The following PIP4K2C variants were observed in gnomAD, a reference collection of about 807,000 sequenced individuals.
PIP4K2C encodes the protein phosphatidylinositol-5-phosphate 4-kinase type 2 gamma, also known as phosphatidylinositol 5-phosphate 4-kinase type-2 gamma.
PIP4K2C carries 21 observed loss-of-function variants against 45.0 expected under a neutral mutation model. The observed-to-expected ratio is 0.47, with a 90% CI of 0.33 to 0.67. The LOEUF is 0.67. Among genes scored for constraint, PIP4K2C ranks in the 30% least tolerant of loss-of-function variants. The pLI, the probability that PIP4K2C is intolerant of heterozygous loss-of-function variation, is 0.02. For synonymous variants in PIP4K2C, 201 were observed against 204.8 expected (o/e 0.98, Z 0.16); for missense variants, 456 against 542.8 (o/e 0.84, Z 1.59).
In PIP4K2C at chr12:57,591,211, A is replaced by C. The variant is rs1025659492; in HGVS notation, c.-79A>C. 59 of 1,395,988 alleles carry C rather than the reference A, an allele frequency of 4.2e-5. No individual in the cohort carries two copies. Among genetic ancestry groups the C allele is most frequent in the Non-Finnish European group, 4.8e-5 (49 of 1,025,148 alleles). The allele number at this position is 1,395,988 out of a possible 1,614,324, so 86.5% of individuals were successfully genotyped here. On this transcript the variant is annotated 5_prime_UTR_variant, in exon 1 of 10. Transcript: ENST00000354947. ...GCCTCCGGTCACGTGACAGCAGCGC[A>C]GGTGAGCGCCGCTTCCGGGGTCGGG...
chr12:57,597,352 C>T (rs1289073189), intron 4 of PIP4K2C, among the ~76,000 whole-genome samples: 1 of 152,122 alleles, frequency 6.6e-6, no homozygotes, highest in African/African-American at 2.4e-5. Context: ...AGTTAAGACA[C>T]AGGGGCCTCC....
At chr12:57,599,023 C>T in intron 4 of PIP4K2C, 42 bp from the exon 5 acceptor site, 2 of 1,600,466 alleles carry the variant, frequency 1.2e-6, no homozygotes, top group South Asian at 2.2e-5. Flanking sequence ...TGTGTATCTG[C>T]TACTCAGCCT....
Position 57,599,147 on chromosome 12 carries a change from A to G in PIP4K2C, c.596A>G (p.Tyr199Cys). The G allele has an allele frequency of 6.2e-7, 1 of 1,614,216 alleles. No individual in the cohort carries two copies. Among genetic ancestry groups the G allele is most frequent in the Non-Finnish European group, 8.5e-7 (1 of 1,180,030 alleles). ...GTCAGTGTGGACAACGAAGACAGCT[A>G]CATGCTTGTGATGCGCAATATGTTT... ...YRVSVDNEDS[Y>C]MLVMRNMFSH... Residue 199 changes from tyrosine to cysteine, a missense_variant, in exon 5 of 10, where the codon TAC becomes TGC. This residue lies in a region of PIP4K2C where 421 missense variants were observed against 473.1 expected (regional missense o/e 0.89). Transcript: ENST00000354947.
In PIP4K2C at chr12:57,600,933, C is replaced by T; in HGVS notation, c.936C>T (p.Asp312=). ...VREDESEVDG[D]CSLTGPPALV... The stretch of plus-strand genomic sequence containing the variant: ...AGGATGAGTCAGAGGTGGATGGGGA[C>T]TGCAGCCTGACTGGACCTCCTGCTC... Residue 312 remains aspartate (D), a synonymous_variant, in exon 8 of 10, where the codon GAC becomes GAT. Transcript: ENST00000354947. 1 of 1,614,208 alleles carries T rather than the reference C, an allele frequency of 6.2e-7. No individual in the cohort carries two copies. The highest frequency in any genetic ancestry group is 8.5e-7 in the Non-Finnish European group (1 of 1,180,046).
Position 57,600,411 on chromosome 12 carries a change from C to G in PIP4K2C, c.787C>G (p.Leu263Val). The change falls in exon 7 of 10, where the codon CTG becomes GTG. Residue 263 changes from leucine (L) to valine (V), a missense_variant. Leu to Val is a conservative substitution (Grantham distance 32, BLOSUM62 1). Transcript: ENST00000354947. ...YIGEEEKKIF[L>V]EKLKRDVEFL... ...TGGTGAAGAGGAGAAGAAAATATTT[C>G]TGGAGAAGCTGAAGAGAGATGTGGA... The G allele has an allele frequency of 6.2e-7, 1 of 1,607,250 alleles. No individual in the cohort carries two copies. Among genetic ancestry groups the G allele is most frequent in the East Asian group, 2.2e-5 (1 of 44,834 alleles).
At chr12:57,601,177 AACTG>A in intron 8 of PIP4K2C, 64 bp from the exon 9 acceptor site, 1 of 1,589,726 alleles carries the variant, frequency 6.3e-7, no homozygotes, top group Non-Finnish European at 8.6e-7. Context: ...TTCAGAACAA[AACTG>A]ACTGCTTCCT....
rs752628265 is a variant in PIP4K2C, at chr12:57,600,897, G to A, written c.900G>A (p.Ala300=). ...GGGGCTCTGAACCAGAGGAGGAAGC[G>A]CCCGTGCGGGAGGATGAGTCAGAGG... The part of the protein sequence containing the change: ...IIRGSEPEEE[A]PVREDESEVD... Residue 300 remains alanine, a synonymous_variant, in exon 8 of 10, where the codon GCG becomes GCA. Coordinates refer to ENST00000354947, the MANE Select transcript of PIP4K2C (RefSeq NM_024779.5). 16 of 1,614,110 alleles carry A rather than the reference G, an allele frequency of 9.9e-6. No homozygotes were observed. Among genetic ancestry groups the A allele is most frequent in the Middle Eastern group, 3.3e-4 (2 of 6,084 alleles).
chr12:57,591,324 C>G lies in PIP4K2C; in HGVS notation c.35C>G (p.Ser12Trp). ...ASSSVPPATVSAATAGPGPGF... is the reference protein window; with the variant it reads ...ASSSVPPATVWAATAGPGPGF... The stretch of plus-strand genomic sequence containing the variant: ...TCCTCGGTCCCACCAGCCACGGTAT[C>G]GGCGGCGACAGCAGGCCCCGGCCCA... The change falls in exon 1 of 10, where the codon TCG becomes TGG. Residue 12 changes from serine to tryptophan, a missense_variant. This residue lies in a region of PIP4K2C where 421 missense variants were observed against 473.1 expected (regional missense o/e 0.89). Transcript: ENST00000354947. 6.2e-7 allele frequency: 1 copy of G among 1,612,592 alleles called. No individual in the cohort carries two copies. The highest frequency in any genetic ancestry group is 8.5e-7 in the Non-Finnish European group (1 of 1,179,444).
intron 3 of PIP4K2C, 51 bp downstream of exon 3, chr12:57,595,273 G>A (rs1191433596): frequency 6.8e-6 from 8 of 1,179,752 alleles, no homozygotes; most frequent in Non-Finnish European, 1.0e-5. Context: ...AGCAACTGAG[G>A]AGTACTATTT....
rs745987555 is a variant in PIP4K2C, at chr12:57,601,524, A to T, written c.1186-2A>T. On this transcript the variant is annotated splice_acceptor_variant, in intron 9 of 9. Coordinates refer to ENST00000354947, the MANE Select transcript of PIP4K2C (RefSeq NM_024779.5). LOFTEE classifies it high-confidence loss of function. ...CATATTGTTCCGTATCTCCTCTCAC[A>T]GGCTGGGGCAGAGATCTCTACTGTC... 2 of 1,611,908 alleles carry T rather than the reference A, an allele frequency of 1.2e-6. No homozygotes were observed. The highest frequency in any genetic ancestry group is 1.7e-6 in the Non-Finnish European group (2 of 1,178,008).
rs539723550 is a variant in PIP4K2C at position 57,599,057 on chromosome 12, C to A, written c.514-8C>A. On this transcript the variant is annotated splice_region_variant and splice_polypyrimidine_tract_variant and intron_variant, in intron 4 of 9. Transcript: ENST00000354947. ...CTCTCCCCATTCCTTCCCCCTCTTT[C>A]ACTGTAGTACATTGTGAAGTGCCAT... 54 of 1,612,356 alleles carry A rather than the reference C, an allele frequency of 3.3e-5. No individual in the cohort carries two copies. The highest frequency in any genetic ancestry group is 4.4e-5 in the Non-Finnish European group (52 of 1,179,080).
intron 1 of PIP4K2C, 21 bp from the exon 2 acceptor site, chr12:57,594,004 A>G (rs750103581): frequency 3.1e-6 from 5 of 1,601,808 alleles, no homozygotes; most frequent in South Asian, 1.1e-5. Context: ...TGGCTTCCCT[A>G]TTCATGGTTT....
Position 57,595,954 on chromosome 12 carries a change from G to A in PIP4K2C, c.436G>A (p.Asp146Asn), listed in dbSNP as rs751741003. 9 of 1,613,762 alleles carry A rather than the reference G, an allele frequency of 5.6e-6. No individual in the cohort carries two copies. Among genetic ancestry groups the A allele is most frequent in the Admixed American group, 3.3e-5 (2 of 59,980 alleles). ...TGATGGTCGCTTCCTTATCTCCTACGATCGGACTCTGGTCATCAAAGAAGT... is the reference window on the plus strand; with the variant it reads ...TGATGGTCGCTTCCTTATCTCCTACAATCGGACTCTGGTCATCAAAGAAGT... Reference protein sequence around the residue: ...GSDGRFLISYDRTLVIKEVSS... With the variant: ...GSDGRFLISYNRTLVIKEVSS... The change falls in exon 4 of 10, where the codon GAT becomes AAT. Residue 146 changes from aspartate to asparagine, a missense_variant. Transcript: ENST00000354947.
Position 57,603,293 on chromosome 12 carries a change from G to A in PIP4K2C, c.*1687G>A, listed in dbSNP as rs1883527141. The stretch of plus-strand genomic sequence containing the variant: ...GGTTTTCTGATCATATGGCTGATGT[G>A]TTATGGGCAGTATGGATGTCTTCAT... On this transcript the variant is annotated 3_prime_UTR_variant, in exon 10 of 10. Coordinates refer to ENST00000354947, the MANE Select transcript of PIP4K2C (RefSeq NM_024779.5). The A allele has an allele frequency of 6.6e-6, 1 of 152,596 alleles. No homozygotes were observed. The highest frequency in any genetic ancestry group is 2.1e-4 in the South Asian group (1 of 4,830). 9.5% of individuals were successfully genotyped at this position (152,596 alleles called of 1,614,324 possible). A position where few individuals can be genotyped will look rare whatever the true frequency, so the allele number is the denominator to read the frequency against.
In PIP4K2C at chr12:57,599,174, G is replaced by A; in HGVS notation, c.623G>A (p.Ser208Asn). Reference protein sequence around the residue: ...SYMLVMRNMFSHRLPVHRKYD... With the variant: ...SYMLVMRNMFNHRLPVHRKYD... ...ATGCTTGTGATGCGCAATATGTTTA[G>A]CCACCGTCTTCCTGTGCACAGGAAG... Residue 208 changes from serine (S) to asparagine (N), a missense_variant, in exon 5 of 10, where the codon AGC becomes AAC. This residue lies in a region of PIP4K2C where 421 missense variants were observed against 473.1 expected (regional missense o/e 0.89). Coordinates refer to ENST00000354947, the MANE Select transcript of PIP4K2C (RefSeq NM_024779.5). 1.2e-6 allele frequency: 2 copies of A among 1,614,212 alleles called. No individual in the cohort carries two copies. Among genetic ancestry groups the A allele is most frequent in the Non-Finnish European group, 1.7e-6 (2 of 1,180,050 alleles).
rs1185368364 is a variant in PIP4K2C, at chr12:57,594,136, C to T, written c.272+14C>T. The stretch of plus-strand genomic sequence containing the variant: ...CCTTTTCCACAGGTAAGTGATGATC[C>T]TTGCCATTCTCATGTCAACCTTCCC... On this transcript the variant is annotated intron_variant, in intron 2 of 9. Coordinates refer to ENST00000354947, the MANE Select transcript of PIP4K2C (RefSeq NM_024779.5). 15 of 1,592,802 alleles carry T rather than the reference C, an allele frequency of 9.4e-6. No individual in the cohort carries two copies. The highest frequency in any genetic ancestry group is 1.2e-5 in the Non-Finnish European group (14 of 1,166,668).
chr12:57,600,320 T>G lies in PIP4K2C; in HGVS notation c.700-4T>G. 1 of 1,567,566 alleles carries G rather than the reference T, an allele frequency of 6.4e-7. No individual in the cohort carries two copies. The highest frequency in any genetic ancestry group is 8.8e-7 in the Non-Finnish European group (1 of 1,140,380). ...TCCCAAGATGTCCCTTTACATATTC[T>G]TAGGTTAAAGAATTGCCCACCCTTA... On this transcript the variant is annotated splice_polypyrimidine_tract_variant and splice_region_variant and intron_variant, in intron 6 of 9. Transcript: ENST00000354947.
In PIP4K2C at chr12:57,594,102, C is replaced by A; in HGVS notation, c.252C>A (p.Val84=). 2 of 1,613,866 alleles carry A rather than the reference C, an allele frequency of 1.2e-6. No homozygotes were observed. The highest frequency in any genetic ancestry group is 1.7e-6 in the Non-Finnish European group (2 of 1,179,882). The change falls in exon 2 of 10, where the codon GTC becomes GTA. Residue 84 remains valine (V), a synonymous_variant. Coordinates refer to ENST00000354947, the MANE Select transcript of PIP4K2C (RefSeq NM_024779.5). ...TTAAGGCCAGCTCCAAGATCAAGGT[C>A]AACAATCACCTTTTCCACAGGTAAG... ...DDFKASSKIK[V]NNHLFHRENL... is the part of the protein sequence containing the mutation.
In PIP4K2C at chr12:57,591,284, G is replaced by A. The variant is rs1882937810; in HGVS notation, c.-6G>A. 3.7e-6 allele frequency: 6 copies of A among 1,600,512 alleles called. No individual in the cohort carries two copies. The highest frequency in any genetic ancestry group is 1.1e-5 in the South Asian group (1 of 90,468). On this transcript the variant is annotated 5_prime_UTR_variant, in exon 1 of 10. Coordinates refer to ENST00000354947, the MANE Select transcript of PIP4K2C (RefSeq NM_024779.5). The stretch of plus-strand genomic sequence containing the variant: ...GGCTTCCACTTGGTCGGTTGCGCGG[G>A]AGACTATGGCGTCCTCCTCGGTCCC...
Sources: gnomAD v4.1 joint callset for allele counts (sites outside exome capture counted in the v4.1 genomes callset) on GRCh38, gnomAD v4.1.1 for gene constraint, gnomAD v4.1.1 regional missense constraint, MANE v1.5 for transcripts, NCBI Gene and HGNC (gene_info 2026-07-23, HGNC 2026-07-21) for gene names.